The following ADAMTS18 variants were observed in gnomAD, a reference collection of about 807,000 sequenced individuals.
ADAMTS18 encodes ADAM metallopeptidase with thrombospondin type 1 motif 18, also known as A disintegrin and metalloproteinase with thrombospondin motifs 18.
Under a neutral mutation model 165.9 loss-of-function variants are expected in ADAMTS18, and 157 were observed. The observed-to-expected ratio is 0.95, with a 90% CI of 0.83 to 1.08. The LOEUF (loss-of-function observed/expected upper bound fraction) is 1.08, where lower values mean the gene tolerates loss of function less well. Among genes scored for constraint, ADAMTS18 ranks in the 50% least tolerant of loss-of-function variants. The probability of loss-of-function intolerance (pLI) is 0.00; values close to 1 mark genes in which losing one functional copy is unlikely to be tolerated. For synonymous variants in ADAMTS18, 782 were observed against 578.2 expected (o/e 1.35, Z -5.06); for missense variants, 2,040 against 1,534.0 (o/e 1.33, Z -5.51).
At chr16:77,419,558 G>A (rs146647861) in intron 3 of ADAMTS18, among the ~76,000 whole-genome samples, 481 of 152,238 alleles carry the variant, frequency 3.2e-3, no homozygotes, top group African/African-American at 0.011. Flanking sequence ...AAGGGATCAC[G>A]TAATTAGGTC....
chr16:77,432,604 C>A (rs1275288994), intron 2 of ADAMTS18, among the ~76,000 whole-genome samples: 1 of 152,176 alleles, frequency 6.6e-6, no homozygotes, highest in Non-Finnish European at 1.5e-5. Flanking sequence ...GCCTGCATTT[C>A]CACTTTCAAG....
At chr16:77,348,205 A>T (rs2056505564) in intron 10 of ADAMTS18, among the ~76,000 whole-genome samples, 1 of 152,152 alleles carries the variant, frequency 6.6e-6, no homozygotes, top group African/African-American at 2.4e-5. Flanking sequence ...GGGGACAATA[A>T]ATAATGTTCC....
intron 3 of ADAMTS18, among the ~76,000 whole-genome samples, chr16:77,377,094 C>T (rs923889630): frequency 6.6e-6 from 1 of 152,142 alleles, no homozygotes; most frequent in African/African-American, 2.4e-5. Context: ...GGATTACAGG[C>T]ATGAGCCACC....
chr16:77,431,111 T>C (rs751454532), intron 3 of ADAMTS18, among the ~76,000 whole-genome samples, 184 bp downstream of exon 3: 6 of 152,198 alleles, frequency 3.9e-5, no homozygotes, highest in Non-Finnish European at 8.8e-5. Flanking sequence ...TAATTAAAGT[T>C]CTATTATATT....
intron 3 of ADAMTS18, chr16:77,378,995 T>C (rs1027096206): frequency 1.3e-5 from 2 of 152,108 alleles, no homozygotes; most frequent in Non-Finnish European, 2.9e-5. Flanking sequence ...AAGACACATA[T>C]TGATGAAATT....
chr16:77,428,950 T>A (rs1431652738), intron 3 of ADAMTS18, among the ~76,000 whole-genome samples: 4 of 152,172 alleles, frequency 2.6e-5, no homozygotes, highest in Admixed American at 2.0e-4. Flanking sequence ...TCAAAATGCA[T>A]ATACAAGAAT....
intron 16 of ADAMTS18, among the ~76,000 whole-genome samples, chr16:77,309,997 T>C (rs111531988): frequency 1.2e-3 from 185 of 152,334 alleles, no homozygotes; most frequent in African/African-American, 4.3e-3. Context: ...AACCATGTGG[T>C]TGTCAAGGCC....
intron 3 of ADAMTS18, among the ~76,000 whole-genome samples, chr16:77,400,424 T>TTGTGTGTGTGTGTGTG (rs145473637): frequency 8.1e-5 from 11 of 136,088 alleles, no homozygotes; most frequent in African/African-American, 2.6e-4. Context: ...TCAGGGGGAA[T>TTGTGTGTGTGTGTGTG]TGTGTGTGTG....
At chr16:77,322,779 G>T (rs967672589) in intron 13 of ADAMTS18, among the ~76,000 whole-genome samples, 2 of 152,082 alleles carry the variant, frequency 1.3e-5, no homozygotes, top group Non-Finnish European at 2.9e-5. Context: ...GGTTTCAAAG[G>T]CCTGATGGTC....
chr16:77,385,739 C>A (rs1042220943), intron 3 of ADAMTS18, among the ~76,000 whole-genome samples: 1 of 152,192 alleles, frequency 6.6e-6, no homozygotes, highest in Non-Finnish European at 1.5e-5. Context: ...ATTGACAGGA[C>A]TTCCCAAGCT....
rs750771599 is a variant in ADAMTS18 at position 77,300,306 on chromosome 16, G to A, written c.2631C>T (p.Thr877=). The change falls in exon 17 of 23, where the codon ACC becomes ACT. Residue 877 remains threonine, a synonymous_variant. Transcript: ENST00000282849. ...AGCACTCTGACTGCACGATACTCCA[G>A]GTATAGGCAGGTCTTTTTGTGGCTG... ...TPPATKRPAY[T]WSIVQSECSV... 1 of 1,614,106 alleles carries A rather than the reference G, an allele frequency of 6.2e-7. No homozygotes were observed. Among genetic ancestry groups the A allele is most frequent in the Non-Finnish European group, 8.5e-7 (1 of 1,179,996 alleles).
At chr16:77,336,548 A>G (rs967424454) in intron 11 of ADAMTS18, among the ~76,000 whole-genome samples, 15 of 152,310 alleles carry the variant, frequency 9.8e-5, no homozygotes, top group African/African-American at 3.1e-4. Context: ...CTTTGTCTAC[A>G]TAAAAGGTGC....
chr16:77,406,689 G>T (rs886455949), intron 3 of ADAMTS18, among the ~76,000 whole-genome samples: 5 of 151,984 alleles, frequency 3.3e-5, no homozygotes, highest in Non-Finnish European at 7.4e-5. Context: ...ATACACAATA[G>T]CAAAGACGCA....
intron 9 of ADAMTS18, among the ~76,000 whole-genome samples, chr16:77,354,253 T>G (rs2056597179): frequency 1.3e-5 from 2 of 152,184 alleles, no homozygotes; most frequent in Admixed American, 1.3e-4. Flanking sequence ...GACAAAGCAC[T>G]AAAGGTACAA....
At chr16:77,284,120 T>C (rs2055201851) in intron 22 of ADAMTS18, 49 bp from the exon 23 acceptor site, 1 of 1,327,238 alleles carries the variant, frequency 7.5e-7, no homozygotes, top group South Asian at 1.2e-5. Flanking sequence ...GTCTATCCTT[T>C]TTCTTTTTTT....
At chr16:77,339,967 A>G (rs547607805) in intron 11 of ADAMTS18, among the ~76,000 whole-genome samples, 1 of 152,242 alleles carries the variant, frequency 6.6e-6, no homozygotes, top group African/African-American at 2.4e-5. Flanking sequence ...TTTATCATCT[A>G]ACTGAAGAAC....
chr16:77,355,151 G>A (rs1324936909), intron 9 of ADAMTS18, among the ~76,000 whole-genome samples: 1 of 151,484 alleles, frequency 6.6e-6, no homozygotes, highest in East Asian at 1.9e-4. Flanking sequence ...AAGAGATATG[G>A]GATTAGCATC....
intron 10 of ADAMTS18, among the ~76,000 whole-genome samples, chr16:77,345,201 T>C (rs2144695529): frequency 6.6e-6 from 1 of 152,268 alleles, no homozygotes; most frequent in South Asian, 2.1e-4. Flanking sequence ...ATGCTGAAAA[T>C]GTTAATGGCT....
At chr16:77,378,155 C>A (rs566322531) in intron 3 of ADAMTS18, among the ~76,000 whole-genome samples, 3 of 151,568 alleles carry the variant, frequency 2.0e-5, no homozygotes, top group African/African-American at 7.3e-5. Flanking sequence ...CAAGATCCAT[C>A]TCTACTAAAA....
Sources: gnomAD v4.1 joint callset for allele counts (sites outside exome capture counted in the v4.1 genomes callset) on GRCh38, gnomAD v4.1.1 for gene constraint, MANE v1.5 for transcripts, NCBI Gene and HGNC (gene_info 2026-07-23, HGNC 2026-07-21) for gene names.